ALMS1: variants seen among roughly 807,000 people sequenced by gnomAD.
ALMS1 encodes the protein centrosome-associated protein ALMS1.
A neutral mutation model predicts 352.2 loss-of-function variants in ALMS1; 271 were observed. The ratio of observed to expected loss-of-function variants is 0.77; its 90% CI spans 0.70 to 0.85. The LOEUF is 0.85. Among genes scored for constraint, ALMS1 ranks in the 40% least tolerant of loss-of-function variants. ALMS1 has a pLI of 0.00. For synonymous variants in ALMS1, 1,865 were observed against 1,761.2 expected, an observed-to-expected ratio of 1.06 and a Z score of -1.48; for missense variants, 5,445 against 4,870.7, an observed-to-expected ratio of 1.12 and a Z score of -3.51.
chr2:73,443,567 A>G (rs528132636), intron 7 of ALMS1, among the ~76,000 whole-genome samples: 1 of 149,584 alleles, frequency 6.7e-6, no homozygotes, highest in African/African-American at 2.5e-5. Context: ...CCTTACACTG[A>G]ATTTAGTAAT....
chr2:73,514,595 T>C (rs1673518873), intron 10 of ALMS1, among the ~76,000 whole-genome samples: 1 of 152,176 alleles, frequency 6.6e-6, no homozygotes, highest in Non-Finnish European at 1.5e-5. Context: ...AAAATATGTA[T>C]ATATACACAA....
At chr2:73,434,488 G>C (rs889520560) in intron 7 of ALMS1, among the ~76,000 whole-genome samples, 1 of 152,082 alleles carries the variant, frequency 6.6e-6, no homozygotes, top group African/African-American at 2.4e-5. Context: ...ATTGAGGCTC[G>C]TTTTATGTTT....
In ALMS1 at chr2:73,452,399, A is replaced by G. The variant is rs995921679; in HGVS notation, c.5872A>G (p.Ser1958Gly). Residue 1958 changes from serine (S) to glycine (G), a missense_variant, in exon 8 of 23, where the codon AGT (serine) becomes GGT (glycine). By Grantham distance (56) the Ser-to-Gly change is moderately conservative. Transcript: ENST00000613296. ...SVISQQELPD[S>G]HLTEEALKVS... is the part of the protein sequence containing the mutation. ...TATCTCTCAACAGGAGTTGCCAGACAGTCATCTCACAGAAGAGGCTCTGAA... is the reference window on the plus strand; with the variant it reads ...TATCTCTCAACAGGAGTTGCCAGACGGTCATCTCACAGAAGAGGCTCTGAA... The G allele has an allele frequency of 1.9e-6, 3 of 1,614,036 alleles. No individual in the cohort carries two copies. In the East Asian group the frequency reaches 6.7e-5, roughly 36 times the overall value.
At position 73,395,072 on chromosome 2, in the gene ALMS1, A is replaced by T. The variant is rs1209072876; in HGVS notation, c.324+8880A>T. ...TATATATATATGTGTATATATATATATATATATTTTTTTTTTTTTTTTTTT... is the reference window on the plus strand; with the variant it reads ...TATATATATATGTGTATATATATATTTATATATTTTTTTTTTTTTTTTTTT... On this transcript the variant is annotated intron_variant, in intron 1 of 22. Transcript: ENST00000613296. Among the ~76,000 whole-genome samples the T allele has an allele frequency of 3.0e-3, 327 of 107,568 alleles. 7 individuals carry two copies. The highest frequency in any genetic ancestry group is 0.012 in the African/African-American group (267 of 22,258). 70.6% of individuals were successfully genotyped at this position (107,568 alleles called of 152,430 possible). A position where few individuals can be genotyped will look rare whatever the true frequency, so the allele number is the denominator to read the frequency against.
chr2:73,581,890 G>A (rs1432207281), intron 16 of ALMS1, among the ~76,000 whole-genome samples: 1 of 151,876 alleles, frequency 6.6e-6, no homozygotes, highest in Non-Finnish European at 1.5e-5. Flanking sequence ...GACTACAGGT[G>A]TGCACCACCA....
At chr2:73,442,479 C>CT (rs992520450) in intron 7 of ALMS1, among the ~76,000 whole-genome samples, 1 of 152,016 alleles carries the variant, frequency 6.6e-6, no homozygotes, top group Non-Finnish European at 1.5e-5. Flanking sequence ...TTTTAAATGC[C>CT]TTTATAACCT....
intron 12 of ALMS1, among the ~76,000 whole-genome samples, chr2:73,535,751 G>T (rs1338386004): frequency 1.3e-5 from 2 of 152,192 alleles, no homozygotes; most frequent in Non-Finnish European, 2.9e-5. Context: ...AGTTAAGGGT[G>T]CAGAGTTAGT....
At chr2:73,523,264 AT>A (rs1015365079) in intron 11 of ALMS1, among the ~76,000 whole-genome samples, 7 of 152,222 alleles carry the variant, frequency 4.6e-5, no homozygotes, top group African/African-American at 1.7e-4. Flanking sequence ...TTATTTATTT[AT>A]TTTTTAGGTT....
chr2:73,605,211 A>G (rs1675790597), intron 21 of ALMS1, among the ~76,000 whole-genome samples: 1 of 152,212 alleles, frequency 6.6e-6, no homozygotes. Context: ...TGCCAAAGAA[A>G]ATGTGAGTTT....
intron 12 of ALMS1, among the ~76,000 whole-genome samples, chr2:73,549,073 T>C (rs546524754): frequency 6.6e-6 from 1 of 152,296 alleles, no homozygotes; most frequent in Admixed American, 6.5e-5. Context: ...TACAGGTACT[T>C]ACCCAGCTCT....
In ALMS1 at chr2:73,449,729, C is replaced by T. The variant is rs757929301; in HGVS notation, c.3202C>T (p.His1068Tyr). ...VLYPQVLSDS[H>Y]LPEESLKVSA... ...GTACCCACAGGTGTTATCAGACAGT[C>T]ATCTACCTGAAGAGAGTCTGAAAGT... The change falls in exon 8 of 23, where the codon CAT becomes TAT. Residue 1068 changes from histidine (H) to tyrosine (Y), a missense_variant. By Grantham distance (83) the His-to-Tyr change is moderately conservative. Coordinates refer to ENST00000613296, the MANE Select transcript of ALMS1 (RefSeq NM_001378454.1). The T allele has an allele frequency of 1.9e-6, 3 of 1,614,134 alleles. No individual in the cohort carries two copies. Among genetic ancestry groups the T allele is most frequent in the Non-Finnish European group, 2.5e-6 (3 of 1,179,996 alleles).
intron 1 of ALMS1, among the ~76,000 whole-genome samples, chr2:73,402,251 T>G (rs539406009): frequency 1.3e-5 from 2 of 151,398 alleles, no homozygotes; most frequent in South Asian, 4.2e-4. Flanking sequence ...TTTTCTTTCT[T>G]TTCTTTCTTT....
chr2:73,479,844 G>A (rs903317195), intron 9 of ALMS1, among the ~76,000 whole-genome samples: 6 of 152,228 alleles, frequency 3.9e-5, no homozygotes, highest in Middle Eastern at 3.4e-3. Flanking sequence ...CCAGCAGTGT[G>A]TGAGTAATCC....
intron 13 of ALMS1, among the ~76,000 whole-genome samples, chr2:73,552,219 G>C (rs754451698): frequency 4.6e-5 from 7 of 151,960 alleles, no homozygotes. Context: ...AGATAATTTC[G>C]TTCTACTTCA....
At chr2:73,529,205 A>T (rs1673857234) in intron 11 of ALMS1, among the ~76,000 whole-genome samples, 1 of 151,836 alleles carries the variant, frequency 6.6e-6, no homozygotes, top group African/African-American at 2.4e-5. Context: ...CACCACACCC[A>T]GCTAATTTTT....
intron 16 of ALMS1, among the ~76,000 whole-genome samples, chr2:73,590,722 A>G (rs1268035726): frequency 7.9e-6 from 1 of 127,122 alleles, no homozygotes; most frequent in Non-Finnish European, 1.6e-5. Context: ...TCTGTCACCC[A>G]GGCTGGAGTG....
At chr2:73,571,986 T>C (rs941549225) in intron 15 of ALMS1, among the ~76,000 whole-genome samples, 6 of 152,162 alleles carry the variant, frequency 3.9e-5, no homozygotes, top group African/African-American at 1.4e-4. Context: ...CAGTTGCTTT[T>C]ATGATCTGGA....
chr2:73,590,228 AG>A (rs1675398458), intron 16 of ALMS1, among the ~76,000 whole-genome samples: 1 of 152,162 alleles, frequency 6.6e-6, no homozygotes, highest in Non-Finnish European at 1.5e-5. Context: ...TACTTTAATA[AG>A]CTTTTCTCAG....
chr2:73,515,429 A>AT (rs1673535032), intron 10 of ALMS1, among the ~76,000 whole-genome samples: 1 of 151,612 alleles, frequency 6.6e-6, no homozygotes, highest in South Asian at 2.1e-4. Context: ...ATTTTTGATC[A>AT]TTTTTTCCTG....
Sources: allele counts gnomAD v4.1 joint callset (sites outside exome capture counted in the v4.1 genomes callset), GRCh38; gene constraint gnomAD v4.1.1; transcripts MANE v1.5; gene names NCBI Gene and HGNC (gene_info 2026-07-23, HGNC 2026-07-21).